The following CREB5 variants were observed in gnomAD, a reference collection of about 807,000 sequenced individuals.
The protein encoded by CREB5 is cyclic AMP-responsive element-binding protein 5.
A neutral mutation model predicts 57.1 loss-of-function variants in CREB5; 19 were observed. The observed-to-expected ratio is 0.33, with a 90% CI of 0.23 to 0.49. The LOEUF (loss-of-function observed/expected upper bound fraction) is 0.49. Ranked by LOEUF, CREB5 falls within the 20% of genes least tolerant of loss-of-function variation. CREB5 has a pLI of 0.99. For synonymous variants in CREB5, 238 were observed against 238.3 expected (o/e 1.00, Z 0.01); for missense variants, 579 against 671.6 (o/e 0.86, Z 1.52).
At chr7:28,577,876 T>A (rs1178674179) in intron 5 of CREB5, among the ~76,000 whole-genome samples, 1 of 152,218 alleles carries the variant, frequency 6.6e-6, no homozygotes, top group Non-Finnish European at 1.5e-5. Flanking sequence ...CTTCCTCTCT[T>A]GAAGTAATCT....
chr7:28,593,862 A>G (rs1383678104), intron 5 of CREB5, among the ~76,000 whole-genome samples: 1 of 152,222 alleles, frequency 6.6e-6, no homozygotes, highest in East Asian at 1.9e-4. Flanking sequence ...TTAGTGACAT[A>G]AAGCCTGCCA....
intron 1 of CREB5, among the ~76,000 whole-genome samples, chr7:28,481,266 C>T (rs766540567): frequency 2.6e-5 from 4 of 152,182 alleles, no homozygotes; most frequent in Non-Finnish European, 4.4e-5. Context: ...TGACGCAATC[C>T]CAAAGGGGGC....
chr7:28,305,443 C>T (rs1785165964), intron 1 of CREB5, among the ~76,000 whole-genome samples: 1 of 152,198 alleles, frequency 6.6e-6, no homozygotes, highest in South Asian at 2.1e-4. Flanking sequence ...CAGGGGAACC[C>T]AGCTTTCCCC....
chr7:28,511,283 A>T (rs1220090910), intron 4 of CREB5, among the ~76,000 whole-genome samples: 1 of 151,912 alleles, frequency 6.6e-6, no homozygotes, highest in Non-Finnish European at 1.5e-5. Context: ...CCAGGTACGT[A>T]CTGGGGAGAA....
At chr7:28,587,249 A>T (rs981581315) in intron 5 of CREB5, among the ~76,000 whole-genome samples, 1 of 152,228 alleles carries the variant, frequency 6.6e-6, no homozygotes, top group Non-Finnish European at 1.5e-5. Context: ...AGACTGAAAG[A>T]CACTGAAATG....
At chr7:28,643,235 C>T (rs1180983140) in intron 5 of CREB5, among the ~76,000 whole-genome samples, 1 of 152,040 alleles carries the variant, frequency 6.6e-6, no homozygotes, top group African/African-American at 2.4e-5. Flanking sequence ...ATAGATCTGC[C>T]CCTGGAACCA....
intron 5 of CREB5, among the ~76,000 whole-genome samples, chr7:28,628,458 G>A (rs1798084078): frequency 6.6e-6 from 1 of 152,134 alleles, no homozygotes; most frequent in African/African-American, 2.4e-5. Context: ...TCCAGAAGAT[G>A]TTTCAGCACC....
At chr7:28,668,413 T>C (rs1799908030) in intron 5 of CREB5, among the ~76,000 whole-genome samples, 1 of 152,252 alleles carries the variant, frequency 6.6e-6, no homozygotes, top group African/African-American at 2.4e-5. Context: ...ATTATTTTAG[T>C]AATTACTTTT....
chr7:28,768,973 A>T (rs1477353462), intron 7 of CREB5, among the ~76,000 whole-genome samples: 1 of 152,228 alleles, frequency 6.6e-6, no homozygotes, highest in African/African-American at 2.4e-5. Flanking sequence ...GACCATTCAG[A>T]AAACTCTGTT....
At chr7:28,737,396 C>T (rs186213158) in intron 7 of CREB5, among the ~76,000 whole-genome samples, 8 of 151,312 alleles carry the variant, frequency 5.3e-5, no homozygotes, top group South Asian at 2.1e-4. Context: ...TTTCTTCCCC[C>T]CTCTGTTCCT....
intron 1 of CREB5, among the ~76,000 whole-genome samples, chr7:28,453,854 C>T (rs192445618): frequency 6.6e-6 from 1 of 152,350 alleles, no homozygotes; most frequent in Non-Finnish European, 1.5e-5. Flanking sequence ...GAAAATGCTG[C>T]CCTCTTTACT....
intron 1 of CREB5, among the ~76,000 whole-genome samples, chr7:28,415,898 C>G (rs974116766): frequency 2.2e-4 from 33 of 152,192 alleles, no homozygotes; most frequent in African/African-American, 8.0e-4. Context: ...AATACATTAT[C>G]TTTCCAGATG....
At position 28,664,676 on chromosome 7, in the gene CREB5, C is replaced by T. The variant is rs76612529; in HGVS notation, c.465-54077C>T. Among the ~76,000 whole-genome samples the T allele has an allele frequency of 5.7e-3, 862 of 152,272 alleles. 7 individuals are homozygous for T. Among genetic ancestry groups the T allele is most frequent in the African/African-American group, 0.02 (836 of 41,550 alleles). On this transcript the variant is annotated intron_variant, in intron 5 of 10. Transcript: ENST00000357727. ...TGAAGTATGCCACAGGAGACTATTT[C>T]AGCATGCCGTCTGTTTTTTTCCAAA...
intron 2 of CREB5, among the ~76,000 whole-genome samples, chr7:28,490,849 T>G (rs1791768517): frequency 6.6e-6 from 1 of 152,244 alleles, no homozygotes; most frequent in Non-Finnish European, 1.5e-5. Context: ...ATCATCTACT[T>G]CTAATCTATG....
chr7:28,482,049 A>C (rs1562747374), intron 1 of CREB5, among the ~76,000 whole-genome samples: 1 of 152,232 alleles, frequency 6.6e-6, no homozygotes, highest in Non-Finnish European at 1.5e-5. Context: ...CTTAATTTAC[A>C]GTTAGCTTCC....
intron 1 of CREB5, among the ~76,000 whole-genome samples, chr7:28,391,358 C>A (rs1169826783): frequency 6.6e-6 from 1 of 152,220 alleles, no homozygotes; most frequent in Non-Finnish European, 1.5e-5. Flanking sequence ...CCTTTTCCTC[C>A]ATCTTTTCTC....
At chr7:28,685,321 G>T (rs1236528464) in intron 5 of CREB5, among the ~76,000 whole-genome samples, 2 of 152,198 alleles carry the variant, frequency 1.3e-5, no homozygotes, top group African/African-American at 4.8e-5. Flanking sequence ...ACCCATAGGG[G>T]CCAAGGGAGA....
intron 5 of CREB5, among the ~76,000 whole-genome samples, chr7:28,679,843 C>G (rs904109329): frequency 2.0e-5 from 3 of 152,186 alleles, no homozygotes. Context: ...TTTAGTTCAG[C>G]TCTCAGCTCA....
At chr7:28,607,295 A>G (rs760413837) in intron 5 of CREB5, among the ~76,000 whole-genome samples, 3 of 152,180 alleles carry the variant, frequency 2.0e-5, no homozygotes, top group Admixed American at 2.0e-4. Context: ...AATGTGTACA[A>G]TGTGAGGCCC....
Sources: gnomAD v4.1 joint callset for allele counts (sites outside exome capture counted in the v4.1 genomes callset) on GRCh38, gnomAD v4.1.1 for gene constraint, MANE v1.5 for transcripts, NCBI Gene and HGNC (gene_info 2026-07-23, HGNC 2026-07-21) for gene names.